NDST3: variants seen among roughly 807,000 people sequenced by gnomAD.
The protein encoded by NDST3 is N-deacetylase and N-sulfotransferase 3.
In NDST3, 58 loss-of-function variants were observed where a neutral mutation model predicts 96.1. The ratio of observed to expected loss-of-function variants is 0.60; its 90% CI spans 0.49 to 0.75. NDST3 has a LOEUF of 0.75. Ranked by LOEUF, NDST3 falls within the 30% of genes least tolerant of loss-of-function variation. NDST3 has a pLI of 0.00. For missense variants in NDST3, 788 were observed against 1,034.2 expected (o/e 0.76, Z 3.27); for synonymous variants, 333 against 359.7 (o/e 0.93, Z 0.84).
chr4:118,037,870 T>C lies in NDST3; in HGVS notation c.-156+3278T>C, dbSNP rs552608063. Reference sequence around the variant, plus strand: ...CGCCTTTATTGATGTGTCCATAGAATAGAGAGTAATAGAACCTTCAACCTC... The same window carrying C: ...CGCCTTTATTGATGTGTCCATAGAACAGAGAGTAATAGAACCTTCAACCTC... On this transcript the variant is annotated intron_variant, in intron 1 of 13. Transcript: ENST00000296499. Among the ~76,000 whole-genome samples the C allele has an allele frequency of 7.2e-5, 11 of 152,346 alleles. 1 individual carries two copies. In the South Asian group the frequency reaches 2.3e-3, roughly 32 times the overall value.
Position 118,226,763 on chromosome 4 carries a change from A to G in NDST3, c.1723-123A>G, listed in dbSNP as rs1578841815. On this transcript the variant is annotated intron_variant, in intron 7 of 13. Transcript: ENST00000296499. ...CACTTCAGGGCTTTCATTTTTTTAA[A>G]AGAGTCTATTTTTTATCCCAGCGTT... 7.5e-6 allele frequency: 5 copies of G among 665,920 alleles called. No homozygotes were observed. The East Asian group carries it at 1.3e-4, about 18-fold the overall frequency. 41.3% of individuals were successfully genotyped at this position (665,920 alleles called of 1,614,324 possible).
intron 2 of NDST3, among the ~76,000 whole-genome samples, chr4:118,094,091 T>C (rs1304229524): frequency 6.6e-6 from 1 of 151,860 alleles, no homozygotes; most frequent in African/African-American, 2.4e-5. Context: ...GCCTCACTTC[T>C]TAATACTACC....
chr4:118,239,867 C>G (rs1740900538), intron 10 of NDST3, among the ~76,000 whole-genome samples: 1 of 152,062 alleles, frequency 6.6e-6, no homozygotes, highest in Admixed American at 6.6e-5. Context: ...TTCCTCAAAC[C>G]CATGGGCCTA....
intron 6 of NDST3, among the ~76,000 whole-genome samples, chr4:118,195,625 A>G (rs1737629128): frequency 6.6e-6 from 1 of 152,230 alleles, no homozygotes; most frequent in African/African-American, 2.4e-5. Context: ...TATTATAATT[A>G]GGATTACTTT....
At chr4:118,033,657 C>A (rs1334967911), upstream of NDST3, 1 of 151,664 alleles carries the variant, frequency 6.6e-6, no homozygotes, top group Non-Finnish European at 1.5e-5. Flanking sequence ...GTCCCAGGGC[C>A]GTGGTTCTCC....
At chr4:118,231,754 A>C (rs115764840) in intron 8 of NDST3, among the ~76,000 whole-genome samples, 1 of 152,196 alleles carries the variant, frequency 6.6e-6, no homozygotes, top group South Asian at 2.1e-4. Flanking sequence ...TTATATTATG[A>C]TCTTTTAAAC....
chr4:118,230,501 G>A (rs375825814), intron 8 of NDST3, among the ~76,000 whole-genome samples: 50 of 152,010 alleles, frequency 3.3e-4, no homozygotes, highest in African/African-American at 1.0e-3. Context: ...CGTGAACCCG[G>A]CGGGCGGAGC....
Position 118,105,074 on chromosome 4 carries a change from C to T in NDST3, c.1038C>T (p.Asn346=), listed in dbSNP as rs145699848. ...CACAAATCACAAATTTTACATTCAA[C>T]CTGGGATTTTCAGGGAAATTTTACC... ...LRAQITNFTF[N]LGFSGKFYHT... The change falls in exon 3 of 14, where the codon AAC becomes AAT. Residue 346 remains asparagine, a synonymous_variant. Coordinates refer to ENST00000296499, the MANE Select transcript of NDST3 (RefSeq NM_004784.3). The T allele has an allele frequency of 1.9e-6, 3 of 1,613,310 alleles. No homozygotes were observed. The highest frequency in any genetic ancestry group is 1.3e-5 in the African/African-American group (1 of 74,968).
At chr4:118,082,868 A>G (rs1728131643) in intron 2 of NDST3, among the ~76,000 whole-genome samples, 1 of 152,136 alleles carries the variant, frequency 6.6e-6, no homozygotes, top group Non-Finnish European at 1.5e-5. Context: ...GGAGCTTCTA[A>G]TTATGGCAGA....
chr4:118,128,608 T>C (rs1252683427), intron 4 of NDST3, among the ~76,000 whole-genome samples: 1 of 152,106 alleles, frequency 6.6e-6, no homozygotes, highest in South Asian at 2.1e-4. Flanking sequence ...TTGAGAATTT[T>C]TGCATCAGGA....
At position 118,066,554 on chromosome 4, in the gene NDST3, T is replaced by C. The variant is rs1490589267; in HGVS notation, c.981+11663T>C. Among the ~76,000 whole-genome samples, 50 of 93,042 alleles carry C rather than the reference T, an allele frequency of 5.4e-4. 1 individual carries two copies. Among genetic ancestry groups the C allele is most frequent in the African/African-American group, 2.0e-3 (41 of 20,410 alleles). The allele number at this position is 93,042 out of a possible 152,430, so 61.0% of individuals were successfully genotyped here. On this transcript the variant is annotated intron_variant, in intron 2 of 13. Transcript: ENST00000296499. ...TATATTATATATACATTATATATAA[T>C]ATGTTATATATTATATATACATTAT...
chr4:118,167,835 G>T lies in NDST3; in HGVS notation c.1539+24151G>T, dbSNP rs564623038. On this transcript the variant is annotated intron_variant, in intron 6 of 13. Coordinates refer to ENST00000296499, the MANE Select transcript of NDST3 (RefSeq NM_004784.3). ...AAAAGATGGTCTCTTCCACAAATGGGGTTGAGAAAACTGAATATTCACATA... is the reference window on the plus strand; with the variant it reads ...AAAAGATGGTCTCTTCCACAAATGGTGTTGAGAAAACTGAATATTCACATA... Among the ~76,000 whole-genome samples, 21 of 151,834 alleles carry T rather than the reference G, an allele frequency of 1.4e-4. No homozygotes were observed. In the South Asian group the frequency reaches 3.8e-3, roughly 27 times the overall value.
Position 118,161,465 on chromosome 4 carries a change from G to A in NDST3, c.1539+17781G>A, listed in dbSNP as rs180898163. ...CTGTCTTTTTGTTTGTCTGTGCCCTGCCCCCAGAGGTGGAGTCTACAGAGG... is the reference window on the plus strand; with the variant it reads ...CTGTCTTTTTGTTTGTCTGTGCCCTACCCCCAGAGGTGGAGTCTACAGAGG... On this transcript the variant is annotated intron_variant, in intron 6 of 13. Transcript: ENST00000296499. Among the ~76,000 whole-genome samples the A allele has an allele frequency of 1.8e-3, 269 of 152,282 alleles. 6 individuals are homozygous for A. In the East Asian group the frequency reaches 0.042, roughly 24 times the overall value.
chr4:118,123,223 G>A (rs1316327860), intron 4 of NDST3, among the ~76,000 whole-genome samples: 2 of 151,494 alleles, frequency 1.3e-5, no homozygotes, highest in African/African-American at 2.4e-5. Flanking sequence ...GAGAGTATAC[G>A]GTGGTTATAA....
chr4:118,173,806 C>T (rs188792693), intron 6 of NDST3, among the ~76,000 whole-genome samples: 2 of 152,152 alleles, frequency 1.3e-5, no homozygotes, highest in African/African-American at 4.8e-5. Flanking sequence ...AGGGTTCTGG[C>T]TTGATGAAGT....
intron 3 of NDST3, among the ~76,000 whole-genome samples, chr4:118,108,847 A>T (rs1247942752): frequency 6.6e-6 from 1 of 152,196 alleles, no homozygotes; most frequent in Non-Finnish European, 1.5e-5. Flanking sequence ...TTCTTAGATC[A>T]ATATATAAAA....
At chr4:118,098,071 T>A (rs548014000) in intron 2 of NDST3, among the ~76,000 whole-genome samples, 11 of 151,984 alleles carry the variant, frequency 7.2e-5, no homozygotes, top group Non-Finnish European at 7.4e-5. Flanking sequence ...ATTTAGCATT[T>A]TCATGTCTTG....
At chr4:118,227,985 G>A (rs1740017459) in intron 8 of NDST3, among the ~76,000 whole-genome samples, 1 of 152,120 alleles carries the variant, frequency 6.6e-6, no homozygotes, top group African/African-American at 2.4e-5. Context: ...AGACATTCAT[G>A]CTATATCCTG....
At chr4:118,109,296 T>C (rs1730451030) in intron 3 of NDST3, among the ~76,000 whole-genome samples, 2 of 152,152 alleles carry the variant, frequency 1.3e-5, no homozygotes, top group African/African-American at 2.4e-5. Flanking sequence ...GGGTGAAATA[T>C]GTGGTGTGTT....
Sources: allele counts gnomAD v4.1 joint callset (sites outside exome capture counted in the v4.1 genomes callset), GRCh38; gene constraint gnomAD v4.1.1; transcripts MANE v1.5; gene names NCBI Gene and HGNC (gene_info 2026-07-23, HGNC 2026-07-21).